Variants in CA10 observed in about 807,000 individuals in gnomAD.
The protein encoded by CA10 is carbonic anhydrase-related protein 10.
CA10 carries 14 observed loss-of-function variants against 44.2 expected under a neutral mutation model. That is an observed-to-expected ratio of 0.32 (90% confidence interval 0.21 to 0.50). The LOEUF (loss-of-function observed/expected upper bound fraction) is 0.50. CA10 is among the 20% of genes least tolerant of loss of function. The probability of loss-of-function intolerance (pLI) is 0.99; values close to 1 mark genes in which losing one functional copy is unlikely to be tolerated. For synonymous variants in CA10, 159 were observed against 141.6 expected (o/e 1.12, Z -0.87); for missense variants, 350 against 409.7 (o/e 0.85, Z 1.26).
chr17:51,839,219 A>G (rs1978299310), intron 3 of CA10, among the ~76,000 whole-genome samples: 1 of 152,160 alleles, frequency 6.6e-6, no homozygotes, highest in African/African-American at 2.4e-5. Context: ...TTGGCCGGGC[A>G]CGGTGGCTCA....
chr17:51,968,123 G>C (rs1195736312), intron 2 of CA10, among the ~76,000 whole-genome samples: 1 of 151,840 alleles, frequency 6.6e-6, no homozygotes, highest in East Asian at 1.9e-4. Context: ...ACATAAGATA[G>C]TACAGCAACT....
intron 1 of CA10, among the ~76,000 whole-genome samples, chr17:52,148,433 T>A (rs530741347): frequency 6.6e-6 from 1 of 152,312 alleles, no homozygotes; most frequent in East Asian, 1.9e-4. Flanking sequence ...TAAACAACTA[T>A]AAGTGCCCCA....
At chr17:51,819,385 C>T (rs1211646644) in intron 3 of CA10, among the ~76,000 whole-genome samples, 2 of 152,168 alleles carry the variant, frequency 1.3e-5, no homozygotes, top group African/African-American at 4.8e-5. Context: ...CTCCCGAGAT[C>T]CATGGCACCA....
At chr17:52,149,120 A>G (rs1018637552) in intron 1 of CA10, among the ~76,000 whole-genome samples, 6 of 152,152 alleles carry the variant, frequency 3.9e-5, no homozygotes, top group African/African-American at 1.4e-4. Flanking sequence ...GAATATGTTG[A>G]CTCACATCCT....
chr17:51,946,940 A>G (rs1983299000), intron 2 of CA10, among the ~76,000 whole-genome samples: 1 of 152,026 alleles, frequency 6.6e-6, no homozygotes, highest in Admixed American at 6.6e-5. Flanking sequence ...CCTTTCTCTT[A>G]TTCTTGTTTA....
rs560030831 is a variant in CA10, at chr17:51,740,617, T to C, written c.465+7016A>G. On this transcript the variant is annotated intron_variant, in intron 4 of 8. Transcript: ENST00000451037. ...AGTAAAAACCAAAGTCCATACAAAG[T>C]GCACATAGAGAGGACCCACGTGGTC... Among the ~76,000 whole-genome samples the C allele has an allele frequency of 2.0e-5, 3 of 152,286 alleles. No homozygotes were observed. In the East Asian group the frequency reaches 5.8e-4, roughly 29 times the overall value.
At chr17:51,710,201 A>G (rs950813654) in intron 4 of CA10, among the ~76,000 whole-genome samples, 1 of 152,216 alleles carries the variant, frequency 6.6e-6, no homozygotes, top group Non-Finnish European at 1.5e-5. Context: ...TGCAATATCC[A>G]TAATACATAA....
intron 2 of CA10, among the ~76,000 whole-genome samples, chr17:51,992,355 T>C (rs1369138145): frequency 1.3e-5 from 2 of 152,118 alleles, no homozygotes; most frequent in African/African-American, 2.4e-5. Flanking sequence ...TTGACCTTAT[T>C]ATTTTTCTCT....
intron 2 of CA10, among the ~76,000 whole-genome samples, chr17:52,020,199 T>C (rs1986093453): frequency 6.6e-6 from 1 of 152,024 alleles, no homozygotes; most frequent in Non-Finnish European, 1.5e-5. Flanking sequence ...CATTACCTCA[T>C]ATTAAACAAT....
intron 1 of CA10, among the ~76,000 whole-genome samples, chr17:52,090,955 C>T (rs1384695525): frequency 1.3e-5 from 2 of 152,174 alleles, no homozygotes; most frequent in East Asian, 1.9e-4. Flanking sequence ...TGACTACACA[C>T]TCTTTTTAGT....
chr17:51,684,423 T>A (rs927011431), intron 4 of CA10, among the ~76,000 whole-genome samples: 1 of 152,192 alleles, frequency 6.6e-6, no homozygotes. Context: ...TTCCCAGTGT[T>A]TATCAGTGGG....
chr17:52,127,940 T>C (rs1989155406), intron 1 of CA10, among the ~76,000 whole-genome samples: 1 of 152,256 alleles, frequency 6.6e-6, no homozygotes, highest in Admixed American at 6.5e-5. Context: ...ACTTTGGATG[T>C]ACTATCTCAA....
At chr17:51,639,575 T>C (rs1323678667) in intron 6 of CA10, among the ~76,000 whole-genome samples, 1 of 152,168 alleles carries the variant, frequency 6.6e-6, no homozygotes, top group Non-Finnish European at 1.5e-5. Context: ...AGGAGATCCC[T>C]CTTTGTCCAC....
chr17:51,736,103 C>A (rs192256519), intron 4 of CA10, among the ~76,000 whole-genome samples: 1 of 152,196 alleles, frequency 6.6e-6, no homozygotes, highest in Non-Finnish European at 1.5e-5. Flanking sequence ...TGGGGGAAAC[C>A]ACCCTGTAGA....
At chr17:52,087,703 ATTACAT>A (rs1988155198) in intron 1 of CA10, among the ~76,000 whole-genome samples, 1 of 152,224 alleles carries the variant, frequency 6.6e-6, no homozygotes, top group South Asian at 2.1e-4. Context: ...AAATTATTTA[ATTACAT>A]TTAATTTTCT....
At chr17:51,822,353 G>T (rs548594779) in intron 3 of CA10, among the ~76,000 whole-genome samples, 9 of 152,156 alleles carry the variant, frequency 5.9e-5, no homozygotes, top group African/African-American at 1.7e-4. Flanking sequence ...GGAGGGAGAG[G>T]TTGCATGAGC....
intron 4 of CA10, among the ~76,000 whole-genome samples, chr17:51,726,367 AAC>A (rs1256717451): frequency 6.6e-6 from 1 of 152,228 alleles, no homozygotes; most frequent in African/African-American, 2.4e-5. Flanking sequence ...TCTATTGTAT[AAC>A]ACAGTGACTG....
At chr17:52,150,541 T>C (rs1989680966) in intron 1 of CA10, among the ~76,000 whole-genome samples, 1 of 152,190 alleles carries the variant, frequency 6.6e-6, no homozygotes, top group Non-Finnish European at 1.5e-5. Flanking sequence ...TTTAGGTCTC[T>C]ACACTCATTT....
At chr17:51,911,939 C>T (rs1310754061) in intron 3 of CA10, among the ~76,000 whole-genome samples, 1 of 152,184 alleles carries the variant, frequency 6.6e-6, no homozygotes, top group Non-Finnish European at 1.5e-5. Context: ...GATAAGCAAA[C>T]AGACCATTAG....
Sources: allele counts gnomAD v4.1 joint callset (sites outside exome capture counted in the v4.1 genomes callset), GRCh38; gene constraint gnomAD v4.1.1; transcripts MANE v1.5; gene names NCBI Gene and HGNC (gene_info 2026-07-23, HGNC 2026-07-21).